THEM4: variants seen among roughly 807,000 people sequenced by gnomAD.
The protein encoded by THEM4 is acyl-coenzyme A thioesterase THEM4.
A neutral mutation model predicts 25.0 loss-of-function variants in THEM4; 22 were observed. The ratio of observed to expected loss-of-function variants is 0.88; its 90% CI spans 0.63 to 1.26. The LOEUF (loss-of-function observed/expected upper bound fraction) is 1.26, where lower values mean the gene tolerates loss of function less well. Among genes scored for constraint, THEM4 ranks in the 50% most tolerant of loss-of-function variants. The pLI is 0.00. For missense variants in THEM4, 286 were observed against 300.3 expected (o/e 0.95, Z 0.35); for synonymous variants, 113 against 105.6 (o/e 1.07, Z -0.43).
intron 2 of THEM4, chr1:151,894,771 CT>C (rs1199040313): frequency 1.7e-6 from 1 of 604,642 alleles, no homozygotes; most frequent in African/African-American, 1.9e-5. Context: ...CCTTTCTTCA[CT>C]CTTGCTAATG....
In THEM4 at chr1:151,873,723, C is replaced by G. The variant is rs1653606599; in HGVS notation, c.*1165G>C. ...ACTTGGACACAGAGATAGATCTGCA[C>G]AGAGGGAAGACACTGTGGAGACACA... On this transcript the variant is annotated 3_prime_UTR_variant, in exon 6 of 6. Transcript: ENST00000368814. The G allele has an allele frequency of 6.6e-6, 1 of 152,184 alleles. No individual in the cohort carries two copies. The highest frequency in any genetic ancestry group is 1.5e-5 in the Non-Finnish European group (1 of 68,062). 9.4% of individuals were successfully genotyped at this position (152,184 alleles called of 1,614,324 possible).
rs751554516 is a variant in THEM4 at position 151,877,143 on chromosome 1, A to G, written c.558-18T>C. On this transcript the variant is annotated intron_variant, in intron 4 of 5. Transcript: ENST00000368814. The stretch of plus-strand genomic sequence containing the variant: ...GGATAGGTCTGCAGAATAAAATGAA[A>G]AAGGAAAAAAATCAGTTTTTATCTG... 10 of 1,592,108 alleles carry G rather than the reference A, an allele frequency of 6.3e-6. No individual in the cohort carries two copies. The African/African-American group carries it at 8.2e-5, about 13-fold the overall frequency.
At chr1:151,887,257 T>A (rs1241321075) in intron 4 of THEM4, among the ~76,000 whole-genome samples, 1 of 152,052 alleles carries the variant, frequency 6.6e-6, no homozygotes, top group Non-Finnish European at 1.5e-5. Flanking sequence ...AGTGAAACAC[T>A]GTCTCTACTG....
At chr1:151,902,610 A>T (rs571769493) in intron 1 of THEM4, among the ~76,000 whole-genome samples, 2 of 152,196 alleles carry the variant, frequency 1.3e-5, no homozygotes, top group Non-Finnish European at 2.9e-5. Flanking sequence ...GAACTTACTC[A>T]TGTAACCAAA....
At chr1:151,900,938 G>A (rs1368164452) in intron 1 of THEM4, among the ~76,000 whole-genome samples, 9 of 152,262 alleles carry the variant, frequency 5.9e-5, no homozygotes, top group Non-Finnish European at 1.2e-4. Flanking sequence ...ACCGCTTAAA[G>A]GTGTTCCTAA....
chr1:151,879,249 A>C (rs995252889), intron 4 of THEM4, among the ~76,000 whole-genome samples: 1 of 152,200 alleles, frequency 6.6e-6, no homozygotes, highest in African/African-American at 2.4e-5. Context: ...CTCTGAAACG[A>C]GACTGGGTCT....
intron 4 of THEM4, among the ~76,000 whole-genome samples, chr1:151,884,679 T>C (rs1048084455): frequency 1.8e-4 from 5 of 28,452 alleles, no homozygotes; most frequent in African/African-American, 3.6e-4. Flanking sequence ...TTTCATTTCC[T>C]TTTTTTTGTT....
chr1:151,888,894 G>GA (rs5777787), intron 3 of THEM4, among the ~76,000 whole-genome samples: 151,968 of 151,996 alleles, frequency 1, 75,970 homozygotes, highest in Middle Eastern at 1. Flanking sequence ...TGAAAAAAAA[G>GA]AAAAAAATTT....
chr1:151,877,122 A>G lies in THEM4; in HGVS notation c.561T>C (p.Pro187=), dbSNP rs1323939044. 1.3e-6 allele frequency: 2 copies of G among 1,597,214 alleles called. No homozygotes were observed. Among genetic ancestry groups the G allele is most frequent in the Non-Finnish European group, 8.5e-7 (1 of 1,175,890 alleles). The change falls in exon 5 of 6, where the codon CCT becomes CCC. Residue 187 remains proline (P), a synonymous_variant. Coordinates refer to ENST00000368814, the MANE Select transcript of THEM4 (RefSeq NM_053055.5). ...TANLNINYKR[P]IPLCSVVMIN... is the part of the protein sequence containing the mutation. ...TCATAACAACAGAACAAAGAGGGAT[A>G]GGTCTGCAGAATAAAATGAAAAAGG...
At position 151,874,337 on chromosome 1, in the gene THEM4, C is replaced by G. The variant is rs189285203; in HGVS notation, c.*551G>C. 1 of 151,640 alleles carries G rather than the reference C, an allele frequency of 6.6e-6. No homozygotes were observed. The highest frequency in any genetic ancestry group is 2.0e-4 in the East Asian group (1 of 5,102). 9.4% of individuals were successfully genotyped at this position (151,640 alleles called of 1,614,324 possible). On this transcript the variant is annotated 3_prime_UTR_variant, in exon 6 of 6. Transcript: ENST00000368814. ...TTTATTTCTCTAGTCTGCAGTGGAG[C>G]AGGTAACATATCCTAAGGAGACAAG...
intron 2 of THEM4, chr1:151,890,821 C>T (rs1008044836): frequency 6.6e-6 from 1 of 152,356 alleles, no homozygotes; most frequent in East Asian, 1.9e-4. Flanking sequence ...AGAACTCACT[C>T]TTTTGCACTA....
rs573395427 is a variant in THEM4, at chr1:151,876,469, A to T, written c.682+532T>A. Among the ~76,000 whole-genome samples the T allele has an allele frequency of 6.3e-5, 9 of 143,208 alleles. No homozygotes were observed. In the East Asian group the frequency reaches 1.4e-3, roughly 23 times the overall value. The allele number at this position is 143,208 out of a possible 152,430, so 94.0% of individuals were successfully genotyped here. On this transcript the variant is annotated intron_variant, in intron 5 of 5. Coordinates refer to ENST00000368814, the MANE Select transcript of THEM4 (RefSeq NM_053055.5). Reference sequence around the variant, plus strand: ...TGTAAATTTTTTTTTTTTTTTTGAGACAGGGTCTGGCTCTGTCACCCAGGC... The same window carrying T: ...TGTAAATTTTTTTTTTTTTTTTGAGTCAGGGTCTGGCTCTGTCACCCAGGC...
chr1:151,888,443 T>C, intron 3 of THEM4, 60 bp from the exon 4 acceptor site: 1 of 1,293,402 alleles, frequency 7.7e-7, no homozygotes, highest in South Asian at 1.3e-5. Flanking sequence ...AGAGAGCCTC[T>C]TGAAAGAGAA....
At chr1:151,908,349 C>A (rs147377559) in intron 1 of THEM4, among the ~76,000 whole-genome samples, 2,273 of 152,314 alleles carry the variant, frequency 0.015, 27 homozygotes, top group Middle Eastern at 0.037. Flanking sequence ...GTTTTACGTC[C>A]TTGGGGGCGT....
rs1572076820 is a variant in THEM4, at chr1:151,888,145, C to T, written c.557+128G>A. ...CTTCCCCGTCCTGCTTCTCCCACTC[C>T]CTTGCTAGTCTCCTCTGGGAGCACT... On this transcript the variant is annotated intron_variant, in intron 4 of 5. Coordinates refer to ENST00000368814, the MANE Select transcript of THEM4 (RefSeq NM_053055.5). The T allele has an allele frequency of 2.8e-5, 18 of 642,202 alleles. No homozygotes were observed. In the East Asian group the frequency reaches 5.5e-4, roughly 20 times the overall value. 39.8% of individuals were successfully genotyped at this position (642,202 alleles called of 1,614,324 possible).
intron 2 of THEM4, among the ~76,000 whole-genome samples, chr1:151,893,473 A>G (rs1654141919): frequency 1.3e-5 from 2 of 151,842 alleles, no homozygotes; most frequent in African/African-American, 4.8e-5. Flanking sequence ...CAGTTGTGGC[A>G]TGTTTATATG....
chr1:151,880,748 A>G (rs1450234051), intron 4 of THEM4, among the ~76,000 whole-genome samples: 2 of 151,926 alleles, frequency 1.3e-5, no homozygotes, highest in Non-Finnish European at 2.9e-5. Context: ...TCTTCCTTTT[A>G]AACTTTTTGG....
intron 1 of THEM4, among the ~76,000 whole-genome samples, chr1:151,895,539 G>C (rs1230643143): frequency 6.6e-6 from 1 of 152,174 alleles, no homozygotes; most frequent in Non-Finnish European, 1.5e-5. Context: ...CTTCCATGTT[G>C]AAAGTGCTTC....
chr1:151,909,276 A>G, intron 1 of THEM4, 84 bp downstream of exon 1: 10 of 1,167,808 alleles, frequency 8.6e-6, no homozygotes, highest in Admixed American at 2.5e-5. Flanking sequence ...TGGTTGGGGT[A>G]TGGATAACAA....
Sources: allele counts gnomAD v4.1 joint callset (sites outside exome capture counted in the v4.1 genomes callset), GRCh38; gene constraint gnomAD v4.1.1; transcripts MANE v1.5; gene names NCBI Gene and HGNC (gene_info 2026-07-23, HGNC 2026-07-21).